The following TENM4 variants were observed in gnomAD, a reference collection of about 807,000 sequenced individuals.
TENM4 encodes teneurin transmembrane protein 4, also known as teneurin-4.
In TENM4, 82 loss-of-function variants were observed where a neutral mutation model predicts 243.3. The ratio of observed to expected loss-of-function variants is 0.34; its 90% CI spans 0.28 to 0.40. The LOEUF is 0.40. Among genes scored for constraint, TENM4 ranks in the 10% least tolerant of loss-of-function variants. The probability of loss-of-function intolerance (pLI) is 1.00; values close to 1 mark genes in which losing one functional copy is unlikely to be tolerated. For missense variants in TENM4, 3,138 were observed against 3,673.3 expected (o/e 0.85, Z 3.77); for synonymous variants, 1,412 against 1,456.3 (o/e 0.97, Z 0.69).
rs1366233837 is a variant in TENM4, at chr11:79,438,357, T to A, written c.-321+2152A>T. On this transcript the variant is annotated intron_variant, in intron 1 of 33. Transcript: ENST00000278550. The surrounding 1 kb of genome is among the most constrained non-coding windows in gnomAD (Gnocchi z 4.1). ...GAGGGAAGCGGCGAAACGGGGAGAATAAACGCAACAGAAGCAAACTGCTGT... is the reference window on the plus strand; with the variant it reads ...GAGGGAAGCGGCGAAACGGGGAGAAAAAACGCAACAGAAGCAAACTGCTGT... Among the ~76,000 whole-genome samples the A allele has an allele frequency of 6.6e-6, 1 of 152,046 alleles. No homozygotes were observed. The highest frequency in any genetic ancestry group is 1.5e-5 in the Non-Finnish European group (1 of 68,016).
intron 6 of TENM4, among the ~76,000 whole-genome samples, chr11:79,033,502 G>GGTTCAC (rs2136866559): frequency 6.6e-6 from 1 of 152,308 alleles, no homozygotes; most frequent in African/African-American, 2.4e-5. Flanking sequence ...TATGGTCCCT[G>GGTTCAC]GTTCACTGAT....
At chr11:79,273,463 G>A (rs368996632) in intron 2 of TENM4, among the ~76,000 whole-genome samples, 2 of 152,138 alleles carry the variant, frequency 1.3e-5, no homozygotes, top group Non-Finnish European at 2.9e-5. Context: ...CTCTAGAAAC[G>A]ATAAAGAAAG....
At chr11:78,933,023 G>C (rs1028494599) in intron 6 of TENM4, among the ~76,000 whole-genome samples, 5 of 152,120 alleles carry the variant, frequency 3.3e-5, no homozygotes, top group African/African-American at 1.2e-4. Flanking sequence ...TGTTCCACAG[G>C]GGAGATTGAT....
intron 6 of TENM4, among the ~76,000 whole-genome samples, chr11:78,933,282 A>C (rs1331028209): frequency 1.3e-5 from 2 of 152,034 alleles, no homozygotes; most frequent in African/African-American, 4.8e-5. Flanking sequence ...AAATAATATA[A>C]AGGGCTTCAC....
At chr11:79,324,581 A>G (rs1198711402) in intron 1 of TENM4, among the ~76,000 whole-genome samples, 1 of 152,164 alleles carries the variant, frequency 6.6e-6, no homozygotes, top group African/African-American at 2.4e-5. Flanking sequence ...CCATGGATGC[A>G]TGGAATCCAT....
intron 12 of TENM4, among the ~76,000 whole-genome samples, chr11:78,828,159 G>C (rs755715867): frequency 1.4e-4 from 22 of 152,204 alleles, no homozygotes; most frequent in Non-Finnish European, 2.2e-4. Flanking sequence ...GGCTCTCTCT[G>C]TGGAGAATGC....
intron 4 of TENM4, among the ~76,000 whole-genome samples, chr11:79,147,543 A>G (rs1862416908): frequency 1.3e-5 from 2 of 152,050 alleles, no homozygotes; most frequent in African/African-American, 4.8e-5. Context: ...TGTGAACACT[A>G]CTGTATCCCT....
intron 32 of TENM4, among the ~76,000 whole-genome samples, chr11:78,664,094 C>T (rs1014921028): frequency 3.3e-5 from 5 of 152,214 alleles, no homozygotes; most frequent in African/African-American, 1.2e-4. Flanking sequence ...ACTGTGTGAA[C>T]TCCGACAGTT....
intron 1 of TENM4, among the ~76,000 whole-genome samples, chr11:79,416,289 T>G (rs896693683): frequency 6.6e-6 from 1 of 152,180 alleles, no homozygotes; most frequent in South Asian, 2.1e-4. Context: ...AAGGTAGGTA[T>G]GTATTTATGG....
At chr11:79,407,435 C>T (rs187320910) in intron 1 of TENM4, among the ~76,000 whole-genome samples, 2 of 152,328 alleles carry the variant, frequency 1.3e-5, no homozygotes, top group African/African-American at 2.4e-5. Flanking sequence ...TGCTTGATAT[C>T]GTGCTAAGCA....
At chr11:79,017,236 C>G (rs1428126375) in intron 6 of TENM4, among the ~76,000 whole-genome samples, 1 of 152,202 alleles carries the variant, frequency 6.6e-6, no homozygotes, top group African/African-American at 2.4e-5. Context: ...ACATCACACT[C>G]TGTGAGGAAT....
intron 1 of TENM4, among the ~76,000 whole-genome samples, chr11:79,298,907 T>A (rs1191103747): frequency 6.6e-6 from 1 of 152,240 alleles, no homozygotes; most frequent in Non-Finnish European, 1.5e-5. Context: ...TCAAAAAATG[T>A]TTCTGCAGCT....
chr11:79,228,857 T>C (rs1381035491), intron 2 of TENM4, among the ~76,000 whole-genome samples: 1 of 152,236 alleles, frequency 6.6e-6, no homozygotes, highest in East Asian at 1.9e-4. Context: ...TTATAATGAA[T>C]GAACCAATAT....
intron 4 of TENM4, among the ~76,000 whole-genome samples, chr11:79,138,332 A>G (rs201069437): frequency 1.3e-5 from 1 of 76,006 alleles, no homozygotes; most frequent in Admixed American, 1.4e-4. Flanking sequence ...TATATATATT[A>G]TATATATAAT....
chr11:79,355,230 T>C (rs1857476273), intron 1 of TENM4, among the ~76,000 whole-genome samples: 1 of 152,210 alleles, frequency 6.6e-6, no homozygotes, highest in African/African-American at 2.4e-5. Flanking sequence ...TGAGAACTTT[T>C]GCTATAAAAC....
intron 6 of TENM4, among the ~76,000 whole-genome samples, chr11:78,942,226 C>G (rs1445440866): frequency 8.7e-6 from 1 of 114,674 alleles, no homozygotes; most frequent in African/African-American, 3.3e-5. Context: ...CAGCCTGGTG[C>G]AACATGGTGA....
At chr11:79,430,299 G>T (rs902186822) in intron 1 of TENM4, among the ~76,000 whole-genome samples, 1 of 152,076 alleles carries the variant, frequency 6.6e-6, no homozygotes. Context: ...GCACCACAAT[G>T]AACTGCAGCC....
chr11:79,084,076 CA>C lies in TENM4; in HGVS notation c.-65-14068del, dbSNP rs760479665. On this transcript the variant is annotated intron_variant, in intron 4 of 33. Coordinates refer to ENST00000278550, the MANE Select transcript of TENM4 (RefSeq NM_001098816.3). ...CAGAAGACGTGATCCAATATTTCACCAAAAAGGATATATACACATGGCAAAT... is the reference window on the plus strand; with the variant it reads ...CAGAAGACGTGATCCAATATTTCACCAAAAGGATATATACACATGGCAAAT... 3.3e-5 allele frequency among the ~76,000 whole-genome samples: 5 copies of C among 152,078 alleles called. No individual in the cohort carries two copies. The East Asian group carries it at 9.7e-4, about 29-fold the overall frequency.
chr11:78,944,973 A>AATCG (rs1856979495), intron 6 of TENM4, among the ~76,000 whole-genome samples: 1 of 152,206 alleles, frequency 6.6e-6, no homozygotes. Flanking sequence ...GATAAAATCA[A>AATCG]ATTATTTTCC....
Sources: allele counts gnomAD v4.1 joint callset (sites outside exome capture counted in the v4.1 genomes callset), GRCh38; gene constraint gnomAD v4.1.1; non-coding constraint Gnocchi (gnomAD v3.1); transcripts MANE v1.5; gene names NCBI Gene and HGNC (gene_info 2026-07-23, HGNC 2026-07-21).